PTPRD: variants seen among roughly 807,000 people sequenced by gnomAD.
The protein encoded by PTPRD is protein tyrosine phosphatase receptor type D.
A neutral mutation model predicts 214.5 loss-of-function variants in PTPRD; 34 were observed. The ratio of observed to expected loss-of-function variants is 0.16; its 90% CI spans 0.12 to 0.21. The LOEUF (loss-of-function observed/expected upper bound fraction) is 0.21. PTPRD is among the 10% of genes least tolerant of loss of function. The pLI is 1.00. For missense variants in PTPRD, 2,545 were observed against 2,398.7 expected, an observed-to-expected ratio of 1.06 and a Z score of -1.27; for synonymous variants, 1,128 against 845.7, an observed-to-expected ratio of 1.33 and a Z score of -5.79.
intron 3 of PTPRD, among the ~76,000 whole-genome samples, chr9:10,092,820 T>C (rs2098445831): frequency 6.6e-6 from 1 of 151,532 alleles, no homozygotes; most frequent in Admixed American, 6.6e-5. Flanking sequence ...CCACCTGATC[T>C]GCAACAAAGT....
intron 44 of PTPRD, among the ~76,000 whole-genome samples, chr9:8,326,753 C>G (rs1396861605): frequency 6.6e-6 from 1 of 151,450 alleles, no homozygotes; most frequent in Non-Finnish European, 1.5e-5. Flanking sequence ...TTGGTCTATG[C>G]AGAGATTCAA....
At chr9:8,649,747 G>A (rs548693623) in intron 12 of PTPRD, among the ~76,000 whole-genome samples, 1 of 152,188 alleles carries the variant, frequency 6.6e-6, no homozygotes, top group East Asian at 1.9e-4. Context: ...ATAGAATAGA[G>A]TTTTACAATA....
chr9:9,296,646 T>G (rs1953160597), intron 9 of PTPRD, among the ~76,000 whole-genome samples: 1 of 151,732 alleles, frequency 6.6e-6, no homozygotes, highest in Non-Finnish European at 1.5e-5. Context: ...CTGGGATTTA[T>G]GCCTATGTCA....
chr9:9,300,604 A>T (rs1452059569), intron 9 of PTPRD, among the ~76,000 whole-genome samples: 2 of 151,680 alleles, frequency 1.3e-5, no homozygotes, highest in African/African-American at 4.8e-5. Context: ...AATGAATGGG[A>T]TTAGTGTCCT....
intron 2 of PTPRD, among the ~76,000 whole-genome samples, chr9:10,428,680 G>A (rs1207573407): frequency 2.0e-5 from 3 of 152,052 alleles, no homozygotes; most frequent in African/African-American, 7.2e-5. Context: ...TTACTCAGTT[G>A]CAAAAATCTG....
intron 11 of PTPRD, among the ~76,000 whole-genome samples, chr9:8,906,205 T>C (rs952458743): frequency 2.6e-5 from 4 of 152,222 alleles, no homozygotes; most frequent in Admixed American, 6.5e-5. Flanking sequence ...AAAACAAACA[T>C]CTTTTTTTCC....
intron 10 of PTPRD, among the ~76,000 whole-genome samples, chr9:9,170,882 T>C (rs1258628775): frequency 1.3e-5 from 2 of 152,116 alleles, no homozygotes; most frequent in African/African-American, 2.4e-5. Context: ...TGGTCCAGAA[T>C]GATAATGAGC....
At chr9:9,576,559 A>G (rs1277771435) in intron 7 of PTPRD, among the ~76,000 whole-genome samples, 1 of 152,216 alleles carries the variant, frequency 6.6e-6, no homozygotes, top group African/African-American at 2.4e-5. Context: ...TAAAAAGTCA[A>G]TCAATGAATT....
intron 2 of PTPRD, among the ~76,000 whole-genome samples, chr9:10,531,267 T>C (rs1261755268): frequency 1.3e-5 from 2 of 152,104 alleles, no homozygotes; most frequent in Non-Finnish European, 2.9e-5. Context: ...AAAATTTTAA[T>C]GGAAAATGGG....
At chr9:8,596,508 C>T (rs139186498) in intron 14 of PTPRD, among the ~76,000 whole-genome samples, 79 of 151,858 alleles carry the variant, frequency 5.2e-4, no homozygotes, top group African/African-American at 1.7e-3. Flanking sequence ...AAAAAACAGA[C>T]GACAAGAGGC....
intron 11 of PTPRD, among the ~76,000 whole-genome samples, chr9:8,934,508 T>TTTATATATATTA: frequency 1.8e-5 from 1 of 56,786 alleles, no homozygotes; most frequent in South Asian, 6.9e-4. Context: ...TATATATAAA[T>TTTATATATATTA]ATATATATAT....
chr9:10,443,829 G>A (rs1321854198), intron 2 of PTPRD, among the ~76,000 whole-genome samples: 6 of 148,176 alleles, frequency 4.0e-5, no homozygotes, highest in Non-Finnish European at 8.9e-5. Flanking sequence ...ACTACACAGA[G>A]CTATTTACCT....
In PTPRD at chr9:8,929,829, A is replaced by G. The variant is rs1289381007; in HGVS notation, c.-104+88868T>C. On this transcript the variant is annotated intron_variant, in intron 11 of 45. Coordinates refer to ENST00000381196, the MANE Select transcript of PTPRD (RefSeq NM_002839.4). ...TATGTGTATATATATGTGTATATAT[A>G]TGTGTATATATATGTGTGTATATAT... Among the ~76,000 whole-genome samples, 7 of 78,858 alleles carry G rather than the reference A, an allele frequency of 8.9e-5. 1 individual carries two copies. Among genetic ancestry groups the G allele is most frequent in the South Asian group, 9.8e-4 (2 of 2,048 alleles). The allele number at this position is 78,858 out of a possible 152,430, so 51.7% of individuals were successfully genotyped here.
intron 14 of PTPRD, among the ~76,000 whole-genome samples, chr9:8,586,134 T>A (rs777875088): frequency 1.3e-4 from 20 of 152,122 alleles, no homozygotes; most frequent in Non-Finnish European, 2.1e-4. Flanking sequence ...ACCCCATCTC[T>A]ATTAAAAATA....
chr9:8,761,821 G>C (rs1008255965), intron 11 of PTPRD, among the ~76,000 whole-genome samples: 3 of 152,194 alleles, frequency 2.0e-5, no homozygotes, highest in African/African-American at 7.2e-5. Flanking sequence ...TGCCACAGTA[G>C]TGGAAGAAGG....
chr9:8,341,295 A>T (rs755777928), intron 40 of PTPRD, 27 bp from the exon 41 acceptor site: 1 of 1,551,000 alleles, frequency 6.4e-7, no homozygotes, highest in Non-Finnish European at 8.7e-7. Flanking sequence ...AAAAAAAAGG[A>T]AAAACCCAAC....
At position 9,768,446 on chromosome 9, in the gene PTPRD, G is replaced by A. The variant is rs79052883; in HGVS notation, c.-367-1595C>T. Reference sequence around the variant, plus strand: ...GATATTTCTACTCTACCACCCGTCAGTGTAAAAACCTTAGCTTATGTTTCA... The same window carrying A: ...GATATTTCTACTCTACCACCCGTCAATGTAAAAACCTTAGCTTATGTTTCA... On this transcript the variant is annotated intron_variant, in intron 5 of 45. Coordinates refer to ENST00000381196, the MANE Select transcript of PTPRD (RefSeq NM_002839.4). Among the ~76,000 whole-genome samples, 59 of 152,224 alleles carry A rather than the reference G, an allele frequency of 3.9e-4. No homozygotes were observed. In the East Asian group the frequency reaches 0.01, roughly 27 times the overall value.
chr9:8,853,277 T>G (rs2097853290), intron 11 of PTPRD, among the ~76,000 whole-genome samples: 1 of 152,208 alleles, frequency 6.6e-6, no homozygotes, highest in Admixed American at 6.5e-5. Context: ...CTAAGACTTA[T>G]GACGCAAAGA....
chr9:8,896,177 C>T (rs920851256), intron 11 of PTPRD, among the ~76,000 whole-genome samples: 1 of 152,184 alleles, frequency 6.6e-6, no homozygotes, highest in African/African-American at 2.4e-5. Flanking sequence ...GCCTTTTAAA[C>T]ATGCAGACTA....
Sources: gnomAD v4.1 joint callset for allele counts (sites outside exome capture counted in the v4.1 genomes callset) on GRCh38, gnomAD v4.1.1 for gene constraint, MANE v1.5 for transcripts, NCBI Gene and HGNC (gene_info 2026-07-23, HGNC 2026-07-21) for gene names.